Variants in ZNF704 observed in about 807,000 individuals in gnomAD.
The protein encoded by ZNF704 is glucocorticoid induced gene 1.
In ZNF704, 10 loss-of-function variants were observed where a neutral mutation model predicts 44.7. That is an observed-to-expected ratio of 0.22 (90% CI 0.14 to 0.38). ZNF704 has a LOEUF of 0.38. Among genes scored for constraint, ZNF704 ranks in the 10% least tolerant of loss-of-function variants. The probability of loss-of-function intolerance (pLI) is 1.00; values close to 1 mark genes in which losing one functional copy is unlikely to be tolerated. For missense variants in ZNF704, 390 were observed against 545.5 expected, an observed-to-expected ratio of 0.71 and a Z score of 2.84; for synonymous variants, 211 against 207.6, an observed-to-expected ratio of 1.02 and a Z score of -0.14.
chr8:80,695,745 C>T (rs143901834), intron 2 of ZNF704, among the ~76,000 whole-genome samples: 74 of 151,970 alleles, frequency 4.9e-4, no homozygotes, highest in Non-Finnish European at 5.4e-4. Context: ...TTTTGCATTG[C>T]GAAAATCTAC....
At chr8:80,688,787 C>T (rs528061257) in intron 3 of ZNF704, among the ~76,000 whole-genome samples, 7 of 152,164 alleles carry the variant, frequency 4.6e-5, no homozygotes, top group African/African-American at 1.2e-4. Flanking sequence ...GGCGAAACCC[C>T]GTCTCTACTA....
chr8:80,881,408 C>A, the ZNF704 span, among the ~76,000 whole-genome samples: 1 of 152,116 alleles, frequency 6.6e-6, no homozygotes, highest in Non-Finnish European at 1.5e-5. Context: ...GTGAAAAGAA[C>A]AAGCTATAAA....
intron 6 of ZNF704, among the ~76,000 whole-genome samples, chr8:80,660,608 A>G (rs1032559413): frequency 4.6e-5 from 7 of 152,228 alleles, no homozygotes; most frequent in Admixed American, 1.3e-4. Context: ...CCAATGGAGC[A>G]AAACAGGGAA....
chr8:80,753,840 C>T (rs1458214913), intron 2 of ZNF704, among the ~76,000 whole-genome samples: 4 of 152,196 alleles, frequency 2.6e-5, no homozygotes, highest in African/African-American at 9.6e-5. Context: ...AAAAAATATG[C>T]AGTGCCAAAT....
At chr8:80,723,784 A>C (rs1806421860) in intron 2 of ZNF704, among the ~76,000 whole-genome samples, 1 of 152,234 alleles carries the variant, frequency 6.6e-6, no homozygotes, top group Non-Finnish European at 1.5e-5. Flanking sequence ...TCATGAGCAA[A>C]AAGTTTGAAG....
chr8:80,795,401 C>T (rs1807781509), intron 2 of ZNF704, among the ~76,000 whole-genome samples: 1 of 152,116 alleles, frequency 6.6e-6, no homozygotes, highest in Admixed American at 6.5e-5. Context: ...AAAAACATTC[C>T]ACAGAATGTA....
intron 1 of ZNF704, among the ~76,000 whole-genome samples, chr8:80,840,678 C>G (rs752257594): frequency 2.0e-5 from 3 of 152,194 alleles, no homozygotes; most frequent in Non-Finnish European, 4.4e-5. Flanking sequence ...GCTGTCTTTA[C>G]TTCCCTACCT....
At chr8:80,677,192 T>C (rs1482143340) in intron 4 of ZNF704, among the ~76,000 whole-genome samples, 1 of 152,216 alleles carries the variant, frequency 6.6e-6, no homozygotes, top group Non-Finnish European at 1.5e-5. Context: ...AAATTCCTCC[T>C]ACATCATGGG....
intron 2 of ZNF704, among the ~76,000 whole-genome samples, chr8:80,702,618 C>T (rs1025713799): frequency 3.3e-5 from 5 of 151,940 alleles, no homozygotes; most frequent in Admixed American, 1.3e-4. Flanking sequence ...AAGATGGGGA[C>T]AAATTGAGAG....
intron 2 of ZNF704, among the ~76,000 whole-genome samples, chr8:80,717,206 T>C (rs1819084769): frequency 6.6e-6 from 1 of 152,244 alleles, no homozygotes. Flanking sequence ...AGGGCTGTTA[T>C]GTACCACTGT....
At chr8:80,748,508 C>T (rs571888439) in intron 2 of ZNF704, among the ~76,000 whole-genome samples, 2 of 152,130 alleles carry the variant, frequency 1.3e-5, no homozygotes, top group South Asian at 2.1e-4. Flanking sequence ...TTCCTCTGCC[C>T]GGAAGGATCT....
intron 2 of ZNF704, among the ~76,000 whole-genome samples, chr8:80,817,327 C>T (rs971078236): frequency 2.6e-5 from 4 of 152,198 alleles, no homozygotes; most frequent in Admixed American, 6.5e-5. Context: ...GCTGCATTTG[C>T]GCCAAGGCCA....
chr8:80,872,359 C>T (rs1318249444), intron 1 of ZNF704, among the ~76,000 whole-genome samples: 1 of 152,190 alleles, frequency 6.6e-6, no homozygotes. Flanking sequence ...CTGCCCACAT[C>T]TACTCTGGGG....
intron 2 of ZNF704, among the ~76,000 whole-genome samples, chr8:80,735,020 A>G (rs1301384842): frequency 6.6e-6 from 1 of 151,990 alleles, no homozygotes; most frequent in Non-Finnish European, 1.5e-5. Flanking sequence ...CCCAATTTCA[A>G]TTTGCTCAGG....
chr8:80,860,699 C>T (rs1180474383), intron 1 of ZNF704, among the ~76,000 whole-genome samples: 1 of 152,226 alleles, frequency 6.6e-6, no homozygotes, highest in Non-Finnish European at 1.5e-5. Flanking sequence ...AAAAACTTGA[C>T]TCCTCTCCTA....
intron 2 of ZNF704, among the ~76,000 whole-genome samples, chr8:80,742,448 T>G (rs1806776695): frequency 6.6e-6 from 1 of 152,304 alleles, no homozygotes; most frequent in East Asian, 1.9e-4. Context: ...ATAGCACCCA[T>G]CAGATGGCCA....
intron 2 of ZNF704, among the ~76,000 whole-genome samples, chr8:80,754,705 C>T (rs1355534238): frequency 6.6e-6 from 1 of 152,188 alleles, no homozygotes; most frequent in Non-Finnish European, 1.5e-5. Flanking sequence ...ATTGTAAGCC[C>T]TGCTCCCCTG....
chr8:80,856,247 C>T (rs1455633194), intron 1 of ZNF704, among the ~76,000 whole-genome samples: 2 of 152,136 alleles, frequency 1.3e-5, no homozygotes, highest in Non-Finnish European at 2.9e-5. Context: ...CTATGAGCCA[C>T]CGTGCCCGGA....
chr8:80,752,737 C>T (rs1806965813), intron 2 of ZNF704, among the ~76,000 whole-genome samples: 1 of 152,134 alleles, frequency 6.6e-6, no homozygotes, highest in African/African-American at 2.4e-5. Flanking sequence ...GAAAGGGTTT[C>T]TCCATGTTGG....
Sources: gnomAD v4.1 joint callset for allele counts (sites outside exome capture counted in the v4.1 genomes callset) on GRCh38, gnomAD v4.1.1 for gene constraint, MANE v1.5 for transcripts, NCBI Gene and HGNC (gene_info 2026-07-23, HGNC 2026-07-21) for gene names.